SERPINB8: variants seen among roughly 807,000 people sequenced by gnomAD.
SERPINB8 encodes the protein serpin family B member 8.
In SERPINB8, 25 loss-of-function variants were observed where a neutral mutation model predicts 35.3. That is an observed-to-expected ratio of 0.71 (90% CI 0.52 to 0.99). The LOEUF (loss-of-function observed/expected upper bound fraction) is 0.99, where lower values mean the gene tolerates loss of function less well. Ranked by LOEUF, SERPINB8 falls within the 50% of genes least tolerant of loss-of-function variation. The pLI is 0.00. For missense variants in SERPINB8, 484 were observed against 446.5 expected (o/e 1.08, Z -0.76); for synonymous variants, 186 against 160.8 (o/e 1.16, Z -1.19).
chr18:63,991,350 G>A (rs2050824189), downstream of SERPINB8, among the ~76,000 whole-genome samples: 1 of 152,136 alleles, frequency 6.6e-6, no homozygotes, highest in South Asian at 2.1e-4. Context: ...CCGTGAACAA[G>A]GCATGTTTCT....
intron 5 of SERPINB8, 113 bp from the exon 6 acceptor site, chr18:63,984,980 A>G: frequency 1.0e-6 from 1 of 982,556 alleles, no homozygotes; most frequent in Non-Finnish European, 1.5e-6. Flanking sequence ...CTATCAGCAT[A>G]AATGTGCAGA....
At position 63,986,308 on chromosome 18, in the gene SERPINB8, G is replaced by C. The variant is rs1295902082; in HGVS notation, c.721-566G>C. On this transcript the variant is annotated intron_variant, in intron 6 of 6. Coordinates refer to ENST00000397985, the MANE Select transcript of SERPINB8 (RefSeq NM_002640.4). Reference sequence around the variant, plus strand: ...TGAAGCTAACTCCAGGACAGGCAGAGGACAAACAAGGATGCTGATGAAGTC... The same window carrying C: ...TGAAGCTAACTCCAGGACAGGCAGACGACAAACAAGGATGCTGATGAAGTC... The C allele has an allele frequency of 7.5e-6, 12 of 1,607,910 alleles. No homozygotes were observed. The Admixed American group carries it at 8.4e-5, about 11-fold the overall frequency.
chr18:63,973,535 C>T (rs1338145445), intron 1 of SERPINB8, among the ~76,000 whole-genome samples: 1 of 152,154 alleles, frequency 6.6e-6, no homozygotes, highest in Admixed American at 6.5e-5. Context: ...GTTGCCATTG[C>T]TTTTGGTGTT....
intron 1 of SERPINB8, among the ~76,000 whole-genome samples, chr18:64,000,283 A>C (rs950274260): frequency 6.6e-6 from 1 of 152,210 alleles, no homozygotes; most frequent in Non-Finnish European, 1.5e-5. Flanking sequence ...AACTTGGTCC[A>C]TTGCTGGCTC....
At chr18:63,975,653 T>G (rs1486152987) in intron 1 of SERPINB8, among the ~76,000 whole-genome samples, 1 of 152,250 alleles carries the variant, frequency 6.6e-6, no homozygotes, top group East Asian at 1.9e-4. Context: ...TTAAAGAATT[T>G]GCACTGCTTT....
chr18:63,981,952 T>G, intron 4 of SERPINB8, 114 bp downstream of exon 4: 1 of 677,766 alleles, frequency 1.5e-6, no homozygotes, highest in Non-Finnish European at 2.6e-6. Flanking sequence ...CAGGCCTGTT[T>G]GTATGTGTTT....
At chr18:63,994,449 C>T (rs560200992) in intron 1 of SERPINB8, among the ~76,000 whole-genome samples, 29 of 152,212 alleles carry the variant, frequency 1.9e-4, no homozygotes, top group African/African-American at 6.7e-4. Flanking sequence ...AGTAGAGGTG[C>T]TGGTGGTTCA....
chr18:63,970,862 C>T (rs572722115), intron 1 of SERPINB8, among the ~76,000 whole-genome samples: 25 of 152,038 alleles, frequency 1.6e-4, no homozygotes, highest in Non-Finnish European at 2.4e-4. Context: ...TCTGCTTCCT[C>T]TCAAATGGGA....
In SERPINB8 at chr18:63,985,100, A is replaced by T; in HGVS notation, c.575A>T (p.Lys192Met). 1.9e-6 allele frequency: 3 copies of T among 1,613,630 alleles called. No individual in the cohort carries two copies. Among genetic ancestry groups the T allele is most frequent in the Non-Finnish European group, 2.5e-6 (3 of 1,179,734 alleles). ...CTTTAATTTTTCCGTTAGGAAAAAA[A>T]GACAGTGCAGATGATGTTTAAGGAA... ...GMLFKTNEEK[K>M]TVQMMFKEAK... The change falls in exon 6 of 7, where the codon AAG (lysine) becomes ATG (methionine). Residue 192 changes from lysine (K) to methionine (M), a missense_variant. Coordinates refer to ENST00000397985, the MANE Select transcript of SERPINB8 (RefSeq NM_002640.4).
Position 63,978,161 on chromosome 18 carries a change from T to C in SERPINB8, c.-10-138T>C, listed in dbSNP as rs188915197. ...GGGCAGATCATGTAGTCACAGGTTT[T>C]GGGAATTAGGAGTGGAAGTCTTTGG... is the stretch of plus-strand genomic sequence containing the variant. On this transcript the variant is annotated intron_variant, in intron 1 of 6. Transcript: ENST00000397985. 2.0e-4 allele frequency: 153 copies of C among 783,644 alleles called. 1 individual carries two copies. The highest frequency in any genetic ancestry group is 8.3e-4 in the Admixed American group (33 of 39,738). The allele number at this position is 783,644 out of a possible 1,614,324, so 48.5% of individuals were successfully genotyped here.
At position 63,979,897 on chromosome 18, in the gene SERPINB8, GC is replaced by G; in HGVS notation, c.267del (p.Asn90ThrfsTer43). 1 of 1,614,100 alleles carries G rather than the reference GC, an allele frequency of 6.2e-7. No homozygotes were observed. Among genetic ancestry groups the G allele is most frequent in the South Asian group, 1.1e-5 (1 of 91,082 alleles). On this transcript the variant is annotated frameshift_variant, in exon 3 of 7. Coordinates refer to ENST00000397985, the MANE Select transcript of SERPINB8 (RefSeq NM_002640.4). LOFTEE classifies it high-confidence loss of function. ...RTGTQYLLRT[A>X]NRLFGEKTCD... is the part of the protein sequence containing the mutation. ...TGGCACTCAGTACTTGCTTAGAACT[GC>G]CAACAGACTCTTTGGAGAAAAGACG...
chr18:63,971,848 C>A (rs1000642595), intron 1 of SERPINB8, among the ~76,000 whole-genome samples: 4 of 152,186 alleles, frequency 2.6e-5, no homozygotes, highest in Admixed American at 6.5e-5. Flanking sequence ...ACGTGGCTCA[C>A]AGGAAACCAT....
intron 5 of SERPINB8, 57 bp from the exon 6 acceptor site, chr18:63,985,036 C>G: frequency 6.4e-7 from 1 of 1,569,414 alleles, no homozygotes; most frequent in Admixed American, 1.7e-5. Flanking sequence ...TAGATATATC[C>G]TATTTTTAGT....
chr18:63,997,161 A>G (rs1462265315), intron 1 of SERPINB8, among the ~76,000 whole-genome samples: 1 of 152,236 alleles, frequency 6.6e-6, no homozygotes, highest in Non-Finnish European at 1.5e-5. Flanking sequence ...AGTCAGCCAA[A>G]AGGCACATAC....
At position 63,979,818 on chromosome 18, in the gene SERPINB8, A is replaced by T; in HGVS notation, c.186A>T (p.Lys62Asn). 6.2e-7 allele frequency: 1 copy of T among 1,614,146 alleles called. No individual in the cohort carries two copies. The highest frequency in any genetic ancestry group is 8.5e-7 in the Non-Finnish European group (1 of 1,180,000). ...AQMSQALCLY[K>N]DGDIHRGFQS... ...GTTCCCAGGCACTTTGTTTATACAAAGACGGAGATATTCACCGAGGTTTCC... is the reference window on the plus strand; with the variant it reads ...GTTCCCAGGCACTTTGTTTATACAATGACGGAGATATTCACCGAGGTTTCC... The change falls in exon 3 of 7, where the codon AAA becomes AAT. Residue 62 changes from lysine to asparagine, a missense_variant. Lys to Asn is a moderately conservative substitution (Grantham distance 94). Transcript: ENST00000397985.
chr18:63,975,342 C>T (rs778935288), intron 1 of SERPINB8, among the ~76,000 whole-genome samples: 11 of 152,132 alleles, frequency 7.2e-5, no homozygotes, highest in African/African-American at 2.7e-4. Flanking sequence ...TCTGAAATGT[C>T]CTCGAGTGAA....
intron 5 of SERPINB8, 107 bp downstream of exon 5, chr18:63,983,828 C>A (rs2050709782): frequency 1.2e-6 from 1 of 821,228 alleles, no homozygotes; most frequent in Non-Finnish European, 1.9e-6. Context: ...TGATTTTAAT[C>A]TATTTCTGAA....
In SERPINB8 at chr18:63,979,846, T is replaced by A; in HGVS notation, c.214T>A (p.Ser72Thr). 6.2e-7 allele frequency: 1 copy of A among 1,614,108 alleles called. No homozygotes were observed. Among genetic ancestry groups the A allele is most frequent in the South Asian group, 1.1e-5 (1 of 91,076 alleles). Residue 72 changes from serine to threonine, a missense_variant, in exon 3 of 7, where the codon TCA (serine) becomes ACA (threonine). By Grantham distance (58) the Ser-to-Thr change is moderately conservative. Transcript: ENST00000397985. ...CGGAGATATTCACCGAGGTTTCCAGTCACTTCTCAGTGAAGTTAACAGAAC... is the reference window on the plus strand; with the variant it reads ...CGGAGATATTCACCGAGGTTTCCAGACACTTCTCAGTGAAGTTAACAGAAC... ...KDGDIHRGFQ[S>T]LLSEVNRTGT... is the part of the protein sequence containing the mutation.
At chr18:63,994,608 T>C (rs2050839963) in intron 1 of SERPINB8, among the ~76,000 whole-genome samples, 1 of 152,138 alleles carries the variant, frequency 6.6e-6, no homozygotes, top group East Asian at 1.9e-4. Context: ...TCATTGGTCC[T>C]CAGCTGGGTA....
Sources: gnomAD v4.1 joint callset for allele counts (sites outside exome capture counted in the v4.1 genomes callset) on GRCh38, gnomAD v4.1.1 for gene constraint, MANE v1.5 for transcripts, NCBI Gene and HGNC (gene_info 2026-07-23, HGNC 2026-07-21) for gene names.